Variants in GANC observed in about 807,000 individuals in gnomAD.
GANC encodes the protein glucosidase alpha, neutral C.
A neutral mutation model predicts 124.2 loss-of-function variants in GANC; 117 were observed. That is an observed-to-expected ratio of 0.94 (90% CI 0.81 to 1.10). GANC has a LOEUF of 1.10. Ranked by LOEUF, GANC falls within the 50% of genes least tolerant of loss-of-function variation. GANC has a pLI of 0.00. For synonymous variants in GANC, 377 were observed against 376.8 expected (o/e 1.00, Z -0.01); for missense variants, 1,140 against 1,095.0 (o/e 1.04, Z -0.58).
chr15:42,303,248 C>A (rs1414243324), intron 6 of GANC, among the ~76,000 whole-genome samples: 1 of 152,122 alleles, frequency 6.6e-6, no homozygotes, highest in African/African-American at 2.4e-5. Context: ...TCATATCCAG[C>A]CAAACTAAGC....
intron 5 of GANC, among the ~76,000 whole-genome samples, chr15:42,294,270 A>G (rs999470148): frequency 6.6e-6 from 1 of 151,122 alleles, no homozygotes; most frequent in Non-Finnish European, 1.5e-5. Context: ...CCCACTTTCC[A>G]TCGTTGAAAG....
chr15:42,325,178 C>T (rs1453433535), intron 11 of GANC, among the ~76,000 whole-genome samples: 6 of 151,472 alleles, frequency 4.0e-5, no homozygotes, highest in African/African-American at 1.5e-4. Flanking sequence ...GAGGCTGAGG[C>T]AGGAGAATCG....
At chr15:42,320,669 G>A (rs575686088) in intron 10 of GANC, among the ~76,000 whole-genome samples, 56 of 152,080 alleles carry the variant, frequency 3.7e-4, no homozygotes, top group African/African-American at 1.2e-3. Context: ...GGCTGGTCTC[G>A]AACTCCTGAC....
intron 17 of GANC, among the ~76,000 whole-genome samples, chr15:42,340,456 T>C (rs995343353): frequency 6.6e-6 from 1 of 151,846 alleles, no homozygotes; most frequent in Non-Finnish European, 1.5e-5. Flanking sequence ...ATACAAAAAT[T>C]AGCTGGGCGT....
chr15:42,277,399 G>A (rs375120792), intron 2 of GANC, among the ~76,000 whole-genome samples: 668 of 151,618 alleles, frequency 4.4e-3, no homozygotes, highest in Middle Eastern at 0.034. Flanking sequence ...GCATGGTGGC[G>A]CATGCCTGTA....
intron 18 of GANC, among the ~76,000 whole-genome samples, chr15:42,342,223 A>G (rs1351758600): frequency 6.6e-6 from 1 of 152,200 alleles, no homozygotes; most frequent in Non-Finnish European, 1.5e-5. Flanking sequence ...GCAAAGTAGT[A>G]AGTGGGTGAA....
At chr15:42,317,670 T>TAAAAGC (rs2052120092) in intron 10 of GANC, among the ~76,000 whole-genome samples, 1 of 152,002 alleles carries the variant, frequency 6.6e-6, no homozygotes, top group Admixed American at 6.5e-5. Flanking sequence ...GTAAAGCTGT[T>TAAAAGC]AAAAGTATTG....
chr15:42,302,445 C>A (rs941649792), intron 6 of GANC, among the ~76,000 whole-genome samples: 4 of 152,162 alleles, frequency 2.6e-5, no homozygotes, highest in African/African-American at 9.7e-5. Context: ...CACCTCTTCT[C>A]CTCCAAACGA....
At chr15:42,308,593 C>T (rs1489425701) in intron 8 of GANC, among the ~76,000 whole-genome samples, 1 of 152,164 alleles carries the variant, frequency 6.6e-6, no homozygotes, top group East Asian at 1.9e-4. Context: ...AAGAGATTCT[C>T]CTGCCTCAGC....
At chr15:42,345,927 C>A in intron 20 of GANC, 95 bp downstream of exon 20, 1 of 818,302 alleles carries the variant, frequency 1.2e-6, no homozygotes, top group Non-Finnish European at 2.0e-6. Context: ...TGGTTTTACC[C>A]AACAGAAACT....
At chr15:42,320,611 G>C (rs2052147936) in intron 10 of GANC, among the ~76,000 whole-genome samples, 2 of 151,170 alleles carry the variant, frequency 1.3e-5, no homozygotes, top group Admixed American at 6.6e-5. Context: ...ACCACACCTG[G>C]ATAATTTTTG....
chr15:42,329,367 C>T lies in GANC; in HGVS notation c.1562C>T (p.Pro521Leu). Reference sequence around the variant, plus strand: ...AATGAGCCTTCTGTCTTTAGAGGGCCAGAGCAAACCATGCAGAAGAATGCC... The same window carrying T: ...AATGAGCCTTCTGTCTTTAGAGGGCTAGAGCAAACCATGCAGAAGAATGCC... ...DMNEPSVFRGPEQTMQKNAIH... is the reference protein window; with the variant it reads ...DMNEPSVFRGLEQTMQKNAIH... The change falls in exon 14 of 24, where the codon CCA becomes CTA. Residue 521 changes from proline to leucine, a missense_variant. Pro to Leu is a moderately conservative substitution (Grantham distance 98). Coordinates refer to ENST00000318010, the MANE Select transcript of GANC (RefSeq NM_198141.3). The T allele has an allele frequency of 6.2e-7, 1 of 1,613,930 alleles. No individual in the cohort carries two copies. The highest frequency in any genetic ancestry group is 8.5e-7 in the Non-Finnish European group (1 of 1,179,894).
chr15:42,292,150 G>T (rs140895831), intron 4 of GANC, among the ~76,000 whole-genome samples: 1 of 152,256 alleles, frequency 6.6e-6, no homozygotes, highest in African/African-American at 2.4e-5. Context: ...GAAATTGGAG[G>T]CTGGTGGGAA....
chr15:42,338,189 G>A lies in GANC; in HGVS notation c.1742-200G>A, dbSNP rs1456153741. On this transcript the variant is annotated intron_variant, in intron 15 of 23. Coordinates refer to ENST00000318010, the MANE Select transcript of GANC (RefSeq NM_198141.3). The stretch of plus-strand genomic sequence containing the variant: ...CAATTTCAGAATATTTTCCTAGAAT[G>A]TTTGTTTTGTAGATTTTAATAACTT... Among the ~76,000 whole-genome samples the A allele has an allele frequency of 1.1e-4, 17 of 152,108 alleles. 1 individual carries two copies. Among genetic ancestry groups the A allele is most frequent in the Admixed American group, 1.1e-3 (17 of 15,278 alleles).
chr15:42,312,835 T>C (rs2141047614), intron 10 of GANC, among the ~76,000 whole-genome samples: 1 of 151,008 alleles, frequency 6.6e-6, no homozygotes, highest in Non-Finnish European at 1.5e-5. Context: ...CTCGGGAGGC[T>C]GAGGCAGAAG....
intron 20 of GANC, among the ~76,000 whole-genome samples, chr15:42,346,529 C>G (rs2052365518): frequency 1.3e-5 from 2 of 152,124 alleles, no homozygotes; most frequent in South Asian, 4.1e-4. Context: ...TCTATCAAAG[C>G]TGTAAAATGT....
intron 16 of GANC, among the ~76,000 whole-genome samples, 183 bp downstream of exon 16, chr15:42,338,673 T>C (rs1000313854): frequency 2.6e-5 from 4 of 152,220 alleles, no homozygotes; most frequent in Admixed American, 6.5e-5. Context: ...GCCTCAGAGC[T>C]ATTTCTATCT....
intron 6 of GANC, among the ~76,000 whole-genome samples, chr15:42,298,049 A>G (rs527266176): frequency 6.6e-6 from 1 of 152,324 alleles, no homozygotes; most frequent in Non-Finnish European, 1.5e-5. Context: ...AGGAGAATAC[A>G]AGGGACCTGG....
chr15:42,342,449 G>T (rs2052334580), intron 18 of GANC, among the ~76,000 whole-genome samples: 1 of 152,034 alleles, frequency 6.6e-6, no homozygotes, highest in Non-Finnish European at 1.5e-5. Flanking sequence ...GGGCACGTTG[G>T]GTGTGTACCT....
Sources: allele counts gnomAD v4.1 joint callset (sites outside exome capture counted in the v4.1 genomes callset), GRCh38; gene constraint gnomAD v4.1.1; transcripts MANE v1.5; gene names NCBI Gene and HGNC (gene_info 2026-07-23, HGNC 2026-07-21).